Variants in CEP72 observed in about 807,000 individuals in gnomAD.
CEP72 encodes centrosomal protein of 72 kDa.
A neutral mutation model predicts 65.7 loss-of-function variants in CEP72; 78 were observed. The observed-to-expected ratio is 1.19, with a 90% CI of 0.99 to 1.43. CEP72 has a LOEUF of 1.43. Among genes scored for constraint, CEP72 ranks in the 40% most tolerant of loss-of-function variants. The pLI is 0.00. For missense variants in CEP72, 914 were observed against 832.9 expected (o/e 1.10, Z -1.20); for synonymous variants, 358 against 351.7 (o/e 1.02, Z -0.20).
At chr5:654,363 T>C (rs1470796945), downstream of CEP72, among the ~76,000 whole-genome samples, 4 of 142,652 alleles carry the variant, frequency 2.8e-5, no homozygotes, top group African/African-American at 7.9e-5. Context: ...CCTGTGTGTG[T>C]GCTGTGTGTG....
At chr5:671,324 A>G (rs535827258), downstream of CEP72, among the ~76,000 whole-genome samples, 2 of 152,026 alleles carry the variant, frequency 1.3e-5, no homozygotes, top group East Asian at 3.9e-4. Context: ...TGGGACGTGG[A>G]CTTGGGGCCC....
downstream of CEP72, among the ~76,000 whole-genome samples, chr5:669,693 G>A (rs1334135858): frequency 6.6e-6 from 1 of 152,100 alleles, no homozygotes; most frequent in Non-Finnish European, 1.5e-5. Flanking sequence ...CCCATCAGAG[G>A]CGACATTCAG....
chr5:632,836 C>T (rs1737287819), intron 4 of CEP72, among the ~76,000 whole-genome samples: 1 of 66,084 alleles, frequency 1.5e-5, no homozygotes, highest in Non-Finnish European at 2.9e-5. Context: ...GGGGTTCTGT[C>T]CAGCGCCGGG....
At chr5:629,231 C>G (rs892201725) in intron 4 of CEP72, among the ~76,000 whole-genome samples, 10 of 152,274 alleles carry the variant, frequency 6.6e-5, no homozygotes, top group African/African-American at 2.4e-4. Flanking sequence ...TGACACACCT[C>G]TGATTTCAGC....
intron 11 of CEP72, among the ~76,000 whole-genome samples, chr5:650,415 T>G (rs1738933474): frequency 1.9e-5 from 1 of 53,628 alleles, no homozygotes. Flanking sequence ...ACTGTGGGTG[T>G]GAGGTGTGAC....
At chr5:648,617 TGGACTGTGAGGCGTG>T (rs1738613920) in intron 11 of CEP72, among the ~76,000 whole-genome samples, 1 of 95,410 alleles carries the variant, frequency 1.0e-5, no homozygotes. Context: ...CTGTGAGGCG[TGGACTGTGAGGCGTG>T]GACTGTGAGG....
At chr5:629,605 T>C (rs368321015) in intron 4 of CEP72, among the ~76,000 whole-genome samples, 36 of 90,618 alleles carry the variant, frequency 4.0e-4, no homozygotes, top group African/African-American at 1.3e-3. Context: ...TTCTGTCCAG[T>C]GCCGGGATTT....
chr5:671,707 C>A (rs1010603662), downstream of CEP72, among the ~76,000 whole-genome samples: 5 of 152,232 alleles, frequency 3.3e-5, no homozygotes, highest in Non-Finnish European at 5.9e-5. Flanking sequence ...AAGGGTCCCC[C>A]CGCAGGGGCT....
At chr5:659,685 C>T (rs1677572542), downstream of CEP72, among the ~76,000 whole-genome samples, 1 of 152,208 alleles carries the variant, frequency 6.6e-6, no homozygotes, top group South Asian at 2.1e-4. Context: ...CCTTCACGGT[C>T]CTCCTGTCTA....
At chr5:625,548 C>T (rs892203320) in intron 4 of CEP72, among the ~76,000 whole-genome samples, 1 of 152,212 alleles carries the variant, frequency 6.6e-6, no homozygotes, top group Non-Finnish European at 1.5e-5. Context: ...GGCAGGGGCC[C>T]GATTTGAGCC....
chr5:640,963 T>G, intron 9 of CEP72: 14 of 985,454 alleles, frequency 1.4e-5, no homozygotes, highest in Non-Finnish European at 1.7e-5. Context: ...GCCACTCTCC[T>G]TTTATGAAGG....
intron 3 of CEP72, among the ~76,000 whole-genome samples, chr5:621,255 A>G (rs1356280464): frequency 6.6e-6 from 1 of 152,220 alleles, no homozygotes; most frequent in African/African-American, 2.4e-5. Flanking sequence ...GACCTTATCA[A>G]AAACAAAAGA....
At position 633,780 on chromosome 5, in the gene CEP72, C is replaced by T; in HGVS notation, c.524C>T (p.Pro175Leu). 1 of 1,614,060 alleles carries T rather than the reference C, an allele frequency of 6.2e-7. No homozygotes were observed. Among genetic ancestry groups the T allele is most frequent in the Admixed American group, 1.7e-5 (1 of 60,028 alleles). The change falls in exon 5 of 12, where the codon CCC becomes CTC. Residue 175 changes from proline to leucine, a missense_variant. Physicochemically the swap from Pro to Leu is moderately conservative, Grantham distance 98. Transcript: ENST00000264935. ...GCTTTTCCTTACAGACCACACCACC[C>T]CAGAGCCAAGTGCACCGAGGCCTTG... ...ASLKEGRPHHPRAKCTEALAK... is the reference protein window; with the variant it reads ...ASLKEGRPHHLRAKCTEALAK...
At chr5:643,202 C>G in intron 9 of CEP72, 5 of 985,242 alleles carry the variant, frequency 5.1e-6, no homozygotes, top group Non-Finnish European at 6.0e-6. Context: ...GAGACTTTGC[C>G]TCAAAGAAAC....
intron 10 of CEP72, among the ~76,000 whole-genome samples, chr5:644,858 G>C (rs1738310240): frequency 6.6e-6 from 1 of 152,216 alleles, no homozygotes; most frequent in African/African-American, 2.4e-5. Context: ...GTGAACCCGT[G>C]TCTCTCCCGA....
intron 4 of CEP72, among the ~76,000 whole-genome samples, chr5:633,391 A>C (rs1352556158): frequency 9.2e-6 from 1 of 109,084 alleles, no homozygotes; most frequent in Non-Finnish European, 1.9e-5. Flanking sequence ...CCAGTGCTGG[A>C]TTTGACCCAG....
the CEP72 span, among the ~76,000 whole-genome samples, chr5:674,079 C>T: frequency 6.6e-6 from 1 of 152,254 alleles, no homozygotes; most frequent in Non-Finnish European, 1.5e-5. Context: ...GGGGCCGGCC[C>T]TGCAGGGCTG....
intron 3 of CEP72, chr5:665,454 T>C: frequency 7.1e-6 from 5 of 704,026 alleles, no homozygotes; most frequent in South Asian, 5.7e-5. Flanking sequence ...TATTTTTACC[T>C]CTCCTGACCC....
intron 9 of CEP72, chr5:643,065 AAAATT>A (rs1738163412): frequency 1.0e-6 from 1 of 984,174 alleles, no homozygotes; most frequent in Non-Finnish European, 1.2e-6. Flanking sequence ...CAAAAAATAA[AAAATT>A]AGGTGTGGTG....
Sources: allele counts gnomAD v4.1 joint callset (sites outside exome capture counted in the v4.1 genomes callset), GRCh38; gene constraint gnomAD v4.1.1; transcripts MANE v1.5; gene names NCBI Gene and HGNC (gene_info 2026-07-23, HGNC 2026-07-21).